Variants in KHDRBS2 observed in about 807,000 individuals in gnomAD.
KHDRBS2 encodes KH RNA binding domain containing, signal transduction associated 2, also known as KH domain-containing, RNA-binding, signal transduction-associated protein 2.
A neutral mutation model predicts 44.3 loss-of-function variants in KHDRBS2; 26 were observed. The ratio of observed to expected loss-of-function variants is 0.59; its 90% CI spans 0.43 to 0.81. The LOEUF (loss-of-function observed/expected upper bound fraction) is 0.81, where lower values mean the gene tolerates loss of function less well. Ranked by LOEUF, KHDRBS2 falls within the 40% of genes least tolerant of loss-of-function variation. The pLI is 0.00. For missense variants in KHDRBS2, 476 were observed against 433.1 expected, an observed-to-expected ratio of 1.10 and a Z score of -0.88; for synonymous variants, 194 against 151.1, an observed-to-expected ratio of 1.28 and a Z score of -2.08.
chr6:62,253,595 A>G (rs1235844412), intron 1 of KHDRBS2, among the ~76,000 whole-genome samples: 1 of 151,976 alleles, frequency 6.6e-6, no homozygotes, highest in Non-Finnish European at 1.5e-5. Context: ...CCTCTAAAAA[A>G]AAATCTATGA....
intron 6 of KHDRBS2, among the ~76,000 whole-genome samples, chr6:61,786,417 C>T (rs1055816714): frequency 4.6e-5 from 7 of 151,922 alleles, no homozygotes; most frequent in Non-Finnish European, 4.4e-5. Context: ...ATGAAATTAA[C>T]ACATGTTCAT....
At chr6:61,997,094 T>G (rs2127255182) in intron 3 of KHDRBS2, among the ~76,000 whole-genome samples, 1 of 152,312 alleles carries the variant, frequency 6.6e-6, no homozygotes, top group Non-Finnish European at 1.5e-5. Flanking sequence ...CCACACATAT[T>G]TTTAAACTAA....
At chr6:62,013,238 A>G (rs1780620957) in intron 3 of KHDRBS2, among the ~76,000 whole-genome samples, 2 of 152,220 alleles carry the variant, frequency 1.3e-5, no homozygotes, top group Non-Finnish European at 2.9e-5. Context: ...GGAAAGCTAT[A>G]AGGCACAAAC....
intron 1 of KHDRBS2, among the ~76,000 whole-genome samples, chr6:62,233,822 T>C (rs967162890): frequency 1.3e-5 from 2 of 152,140 alleles, no homozygotes; most frequent in African/African-American, 4.8e-5. Context: ...CATGATCTCA[T>C]TTTTTATGGC....
At chr6:61,581,464 A>G in the KHDRBS2 span, among the ~76,000 whole-genome samples, 2 of 150,890 alleles carry the variant, frequency 1.3e-5, no homozygotes, top group African/African-American at 2.4e-5. Flanking sequence ...AATTAAAAGC[A>G]TAAAGCATCC....
At chr6:61,657,679 G>T in the KHDRBS2 span, among the ~76,000 whole-genome samples, 16 of 151,916 alleles carry the variant, frequency 1.1e-4, no homozygotes, top group African/African-American at 3.9e-4. Context: ...TGACTTCAGT[G>T]CTCCCTGTGG....
the KHDRBS2 span, among the ~76,000 whole-genome samples, chr6:61,647,206 G>A: frequency 2.3e-4 from 35 of 152,230 alleles, no homozygotes; most frequent in African/African-American, 7.9e-4. Flanking sequence ...TAAGATCAAT[G>A]AAAAATGATG....
At chr6:62,255,652 AC>A (rs1837276395) in intron 1 of KHDRBS2, among the ~76,000 whole-genome samples, 2 of 127,456 alleles carry the variant, frequency 1.6e-5, no homozygotes, top group African/African-American at 6.0e-5. Context: ...ACACACACAC[AC>A]ACAATGTAGA....
chr6:61,884,939 T>C (rs893281366), intron 6 of KHDRBS2, among the ~76,000 whole-genome samples: 7 of 152,118 alleles, frequency 4.6e-5, no homozygotes, highest in Non-Finnish European at 1.0e-4. Context: ...CAAAATTATA[T>C]AATTTTGCAT....
intron 6 of KHDRBS2, among the ~76,000 whole-genome samples, chr6:61,753,451 A>C (rs1221559259): frequency 6.6e-6 from 1 of 152,222 alleles, no homozygotes; most frequent in East Asian, 1.9e-4. Context: ...TTCTGGACAG[A>C]TAAAAGTAAC....
chr6:61,912,932 A>C (rs1008136106), intron 4 of KHDRBS2, among the ~76,000 whole-genome samples: 1 of 152,096 alleles, frequency 6.6e-6, no homozygotes, highest in African/African-American at 2.4e-5. Context: ...AGCAACCACA[A>C]CGCCTGCTCT....
chr6:62,071,988 C>T (rs1795233034), intron 2 of KHDRBS2, among the ~76,000 whole-genome samples: 1 of 152,144 alleles, frequency 6.6e-6, no homozygotes, highest in African/African-American at 2.4e-5. Context: ...GAATGTTCTT[C>T]CATTTGTTTG....
At chr6:61,580,300 A>C in the KHDRBS2 span, among the ~76,000 whole-genome samples, 14 of 152,174 alleles carry the variant, frequency 9.2e-5, no homozygotes, top group Non-Finnish European at 2.1e-4. Context: ...TTATAAATGC[A>C]CCAATCATTA....
chr6:61,563,057 G>A, the KHDRBS2 span, among the ~76,000 whole-genome samples: 3 of 152,056 alleles, frequency 2.0e-5, no homozygotes, highest in Admixed American at 6.6e-5. Flanking sequence ...TTGTCAAGAA[G>A]ATTTCCAAGT....
chr6:62,004,281 G>A (rs1427684095), intron 3 of KHDRBS2, among the ~76,000 whole-genome samples: 1 of 152,028 alleles, frequency 6.6e-6, no homozygotes, highest in African/African-American at 2.4e-5. Context: ...AGAAAAGAGA[G>A]AGGAATCAAA....
At chr6:62,151,713 TAC>T (rs560662991) in intron 2 of KHDRBS2, among the ~76,000 whole-genome samples, 9 of 150,468 alleles carry the variant, frequency 6.0e-5, no homozygotes, top group Admixed American at 2.0e-4. Flanking sequence ...ATATGGTATG[TAC>T]ACACACACAC....
At chr6:61,691,884 C>A (rs1385554015) in intron 8 of KHDRBS2, among the ~76,000 whole-genome samples, 1 of 152,070 alleles carries the variant, frequency 6.6e-6, no homozygotes, top group African/African-American at 2.4e-5. Context: ...TAGAATATGG[C>A]ACAAAATTTC....
chr6:61,550,074 C>T, the KHDRBS2 span, among the ~76,000 whole-genome samples: 3 of 152,100 alleles, frequency 2.0e-5, no homozygotes, highest in Non-Finnish European at 2.9e-5. Context: ...TTAGGGTCAG[C>T]GGTACATAGG....
intron 6 of KHDRBS2, among the ~76,000 whole-genome samples, chr6:61,849,550 T>G (rs182249378): frequency 9.6e-4 from 146 of 152,258 alleles, no homozygotes; most frequent in African/African-American, 3.4e-3. Flanking sequence ...ATTTAACATT[T>G]TTCTTTGGTT....
Sources: gnomAD v4.1 joint callset for allele counts (sites outside exome capture counted in the v4.1 genomes callset) on GRCh38, gnomAD v4.1.1 for gene constraint, MANE v1.5 for transcripts, NCBI Gene and HGNC (gene_info 2026-07-23, HGNC 2026-07-21) for gene names.